Variants in IPO8 observed in about 807,000 individuals in gnomAD.
IPO8 encodes importin 8.
In IPO8, 65 loss-of-function variants were observed where a neutral mutation model predicts 141.2. The observed-to-expected ratio is 0.46, with a 90% CI of 0.38 to 0.57. The LOEUF (loss-of-function observed/expected upper bound fraction) is 0.57, where lower values mean the gene tolerates loss of function less well. Among genes scored for constraint, IPO8 ranks in the 20% least tolerant of loss-of-function variants. The pLI, the probability that IPO8 is intolerant of heterozygous loss-of-function variation, is 0.00. For synonymous variants in IPO8, 411 were observed against 420.3 expected (o/e 0.98, Z 0.27); for missense variants, 980 against 1,246.8 (o/e 0.79, Z 3.22).
At chr12:30,672,599 A>G (rs1240074360) in intron 8 of IPO8, among the ~76,000 whole-genome samples, 3 of 152,212 alleles carry the variant, frequency 2.0e-5, no homozygotes, top group African/African-American at 7.2e-5. Context: ...ACACACACAT[A>G]CATGTTTATG....
chr12:30,675,030 T>A (rs552019630), intron 6 of IPO8, among the ~76,000 whole-genome samples: 25 of 152,198 alleles, frequency 1.6e-4, no homozygotes, highest in African/African-American at 5.5e-4. Context: ...TTCAGGACAC[T>A]CTGAGATGAT....
chr12:30,662,270 T>TC, intron 15 of IPO8, 57 bp downstream of exon 15: 2 of 1,406,664 alleles, frequency 1.4e-6, no homozygotes, highest in Non-Finnish European at 2.0e-6. Context: ...ATTTTGGAGT[T>TC]TATTTAGATT....
intron 16 of IPO8, among the ~76,000 whole-genome samples, chr12:30,659,402 G>A (rs1054411092): frequency 3.3e-5 from 5 of 150,856 alleles, no homozygotes; most frequent in Admixed American, 1.3e-4. Context: ...CACTTGAACC[G>A]GGAGGCCAAG....
At chr12:30,635,947 A>G (rs993417168) in intron 22 of IPO8, among the ~76,000 whole-genome samples, 49 of 152,238 alleles carry the variant, frequency 3.2e-4, no homozygotes, top group African/African-American at 1.2e-3. Flanking sequence ...AAAACAAGAA[A>G]TTAGAGATCA....
At chr12:30,652,493 T>C (rs2052741971) in intron 18 of IPO8, among the ~76,000 whole-genome samples, 1 of 152,068 alleles carries the variant, frequency 6.6e-6, no homozygotes, top group African/African-American at 2.4e-5. Flanking sequence ...TCATCATTTA[T>C]GAAGTAATTG....
At chr12:30,651,457 G>C (rs1165787256) in intron 19 of IPO8, among the ~76,000 whole-genome samples, 1 of 152,080 alleles carries the variant, frequency 6.6e-6, no homozygotes, top group Non-Finnish European at 1.5e-5. Flanking sequence ...TTGTACACTA[G>C]CTATTTCACT....
Position 30,663,629 on chromosome 12 carries a change from C to G in IPO8, c.1454G>C (p.Ser485Thr). 1 of 1,610,948 alleles carries G rather than the reference C, an allele frequency of 6.2e-7. No homozygotes were observed. Among genetic ancestry groups the G allele is most frequent in the Non-Finnish European group, 8.5e-7 (1 of 1,179,414 alleles). ...ARSCWVLHAF[S>T]SLKFHNELNL... ...GAGCTCATTATGGAACTTCAAAGAA[C>G]TAAATGCATGAAGTACCCAGCAAGA... Residue 485 changes from serine (S) to threonine (T), a missense_variant, in exon 14 of 25, where the codon AGT (serine) becomes ACT (threonine). Physicochemically the swap from Ser to Thr is moderately conservative, Grantham distance 58 (BLOSUM62 1). Coordinates refer to ENST00000256079, the MANE Select transcript of IPO8 (RefSeq NM_006390.4).
chr12:30,631,882 T>G lies in IPO8; in HGVS notation c.3016+13A>C. ...GACACATGCACTCCACTCTGGAGGT[T>G]ACTCTGGCTGACCTGCCACCGTCCG... On this transcript the variant is annotated intron_variant, in intron 24 of 24. Coordinates refer to ENST00000256079, the MANE Select transcript of IPO8 (RefSeq NM_006390.4). 5.7e-6 allele frequency: 9 copies of G among 1,579,522 alleles called. No individual in the cohort carries two copies. The highest frequency in any genetic ancestry group is 7.8e-6 in the Non-Finnish European group (9 of 1,151,468).
intron 22 of IPO8, among the ~76,000 whole-genome samples, chr12:30,634,948 A>G (rs537351460): frequency 6.6e-6 from 1 of 152,304 alleles, no homozygotes; most frequent in East Asian, 1.9e-4. Context: ...ACGGATGAAT[A>G]AAGAAAATGT....
chr12:30,680,122 TTCTTTTCCTTC>T, intron 5 of IPO8, among the ~76,000 whole-genome samples: 1 of 152,206 alleles, frequency 6.6e-6, no homozygotes, highest in African/African-American at 2.4e-5. Context: ...CTTTTCCTTC[TTCTTTTCCTTC>T]TTCTTTTCCT....
intron 16 of IPO8, 54 bp from the exon 17 acceptor site, chr12:30,656,804 T>C (rs1351477561): frequency 1.2e-6 from 1 of 822,502 alleles, no homozygotes; most frequent in East Asian, 3.1e-5. Context: ...AATACATAAA[T>C]TTAATATTGT....
At chr12:30,639,204 T>A (rs2136127401) in intron 21 of IPO8, among the ~76,000 whole-genome samples, 1 of 152,244 alleles carries the variant, frequency 6.6e-6, no homozygotes, top group East Asian at 1.9e-4. Context: ...CACTGACACT[T>A]AATCATGGAA....
intron 2 of IPO8, among the ~76,000 whole-genome samples, chr12:30,684,742 C>G (rs1375647994): frequency 6.6e-6 from 1 of 152,188 alleles, no homozygotes; most frequent in Non-Finnish European, 1.5e-5. Context: ...ACTTTGAGAT[C>G]ATAAAATCAT....
At chr12:30,674,893 T>G in intron 6 of IPO8, 140 bp from the exon 7 acceptor site, 1 of 652,404 alleles carries the variant, frequency 1.5e-6, no homozygotes, top group Non-Finnish European at 2.8e-6. Flanking sequence ...AAATTCTTTA[T>G]AGATTGCTAG....
chr12:30,663,723 T>G, intron 13 of IPO8, 69 bp from the exon 14 acceptor site: 1 of 1,167,244 alleles, frequency 8.6e-7, no homozygotes, highest in African/African-American at 1.6e-5. Flanking sequence ...ATCACAGATA[T>G]AAGAACTTCT....
Position 30,676,482 on chromosome 12 carries a change from A to C in IPO8, c.729+16T>G. 6.3e-7 allele frequency: 1 copy of C among 1,589,944 alleles called. No individual in the cohort carries two copies. Among genetic ancestry groups the C allele is most frequent in the South Asian group, 1.1e-5 (1 of 90,418 alleles). The stretch of plus-strand genomic sequence containing the variant: ...ACCCGTTTCCCCTATTTTTCTTGGG[A>C]AAAGCTTTTTCTTACAGGAGGAACG... On this transcript the variant is annotated intron_variant, in intron 6 of 24. Coordinates refer to ENST00000256079, the MANE Select transcript of IPO8 (RefSeq NM_006390.4).
chr12:30,650,939 A>G (rs1305767305), intron 19 of IPO8, among the ~76,000 whole-genome samples: 1 of 152,084 alleles, frequency 6.6e-6, no homozygotes, highest in East Asian at 1.9e-4. Flanking sequence ...TATTATAGAA[A>G]GTGCTTAGAA....
At chr12:30,652,847 C>T in intron 18 of IPO8, 120 bp downstream of exon 18, 1 of 963,484 alleles carries the variant, frequency 1.0e-6, no homozygotes, top group South Asian at 1.8e-5. Context: ...TTTTATGTGA[C>T]CGGGAAATAA....
Position 30,681,919 on chromosome 12 carries a change from G to A in IPO8, c.324-102C>T, listed in dbSNP as rs186398963. The A allele has an allele frequency of 4.8e-5, 46 of 959,176 alleles. 1 individual carries two copies. In the Middle Eastern group the frequency reaches 8.5e-4, roughly 18 times the overall value. The allele number at this position is 959,176 out of a possible 1,614,324, so 59.4% of individuals were successfully genotyped here. ...TAAAAGTTTGTTATCTTCTATTTAC[G>A]TGTATTATATACTTACATATGTGGG... On this transcript the variant is annotated intron_variant, in intron 3 of 24. Transcript: ENST00000256079.
Sources: allele counts gnomAD v4.1 joint callset (sites outside exome capture counted in the v4.1 genomes callset), GRCh38; gene constraint gnomAD v4.1.1; transcripts MANE v1.5; gene names NCBI Gene and HGNC (gene_info 2026-07-23, HGNC 2026-07-21).